The following SNTG2 variants were observed in gnomAD, a reference collection of about 807,000 sequenced individuals.
The protein encoded by SNTG2 is gamma-2-syntrophin.
Under a neutral mutation model 70.9 loss-of-function variants are expected in SNTG2, and 74 were observed. The observed-to-expected ratio is 1.04, with a 90% CI of 0.86 to 1.27. The LOEUF (loss-of-function observed/expected upper bound fraction) is 1.27, where lower values mean the gene tolerates loss of function less well. Among genes scored for constraint, SNTG2 ranks in the 50% most tolerant of loss-of-function variants. SNTG2 has a pLI of 0.00. For synonymous variants in SNTG2, 278 were observed against 273.8 expected (o/e 1.02, Z -0.15); for missense variants, 717 against 690.7 (o/e 1.04, Z -0.43).
At chr2:1,016,640 C>T (rs534102039) in intron 1 of SNTG2, among the ~76,000 whole-genome samples, 6 of 152,166 alleles carry the variant, frequency 3.9e-5, no homozygotes, top group Non-Finnish European at 8.8e-5. Flanking sequence ...AGGAGGAAGG[C>T]TGAGACAGGA....
chr2:1,045,822 T>C (rs983393163), intron 1 of SNTG2, among the ~76,000 whole-genome samples: 1 of 152,176 alleles, frequency 6.6e-6, no homozygotes, highest in Non-Finnish European at 1.5e-5. Context: ...TAGAGTGTCA[T>C]GTCCATATAA....
intron 6 of SNTG2, chr2:1,159,569 G>T (rs1199549087): frequency 6.6e-6 from 1 of 152,034 alleles, no homozygotes; most frequent in African/African-American, 2.4e-5. Flanking sequence ...AAAATTCGTC[G>T]AATACAAGTA....
At chr2:1,270,885 A>T (rs1233120085) in intron 14 of SNTG2, among the ~76,000 whole-genome samples, 1 of 152,136 alleles carries the variant, frequency 6.6e-6, no homozygotes, top group Non-Finnish European at 1.5e-5. Flanking sequence ...TTCTTTACTA[A>T]TTGTAACACT....
intron 1 of SNTG2, among the ~76,000 whole-genome samples, chr2:1,045,884 T>A (rs908774072): frequency 2.0e-5 from 3 of 152,140 alleles, no homozygotes; most frequent in Non-Finnish European, 4.4e-5. Context: ...GTCTATTAGG[T>A]CTGTTTGGTC....
At chr2:1,156,746 C>CT (rs1285004757) in intron 6 of SNTG2, among the ~76,000 whole-genome samples, 2 of 152,024 alleles carry the variant, frequency 1.3e-5, no homozygotes, top group Non-Finnish European at 2.9e-5. Flanking sequence ...TAAGGTGATG[C>CT]TCGGGCTGTC....
At chr2:1,293,637 C>T (rs1680079620) in intron 14 of SNTG2, among the ~76,000 whole-genome samples, 1 of 151,954 alleles carries the variant, frequency 6.6e-6, no homozygotes, top group South Asian at 2.1e-4. Context: ...GTTTAAGTTG[C>T]ACATATTTGC....
At chr2:1,365,090 T>G (rs996981841) in intron 16 of SNTG2, among the ~76,000 whole-genome samples, 170 of 12,654 alleles carry the variant, frequency 0.013, no homozygotes, top group Non-Finnish European at 0.022. Flanking sequence ...CTACTTGGTT[T>G]TTTTTTTTTC....
At chr2:991,372 T>TACACACACACATACACACAC (rs370317783) in intron 1 of SNTG2, among the ~76,000 whole-genome samples, 2 of 140,264 alleles carry the variant, frequency 1.4e-5, no homozygotes, top group African/African-American at 5.3e-5. Flanking sequence ...TCTGTAATAT[T>TACACACACACATACACACAC]ACACACACAC....
At chr2:1,197,592 A>G (rs575301988) in intron 8 of SNTG2, among the ~76,000 whole-genome samples, 2 of 150,964 alleles carry the variant, frequency 1.3e-5, no homozygotes, top group East Asian at 3.9e-4. Flanking sequence ...TCTGGGGTGC[A>G]GTGGCATGAT....
intron 4 of SNTG2, among the ~76,000 whole-genome samples, chr2:1,115,096 C>A (rs558209875): frequency 1.3e-5 from 2 of 151,642 alleles, no homozygotes; most frequent in South Asian, 4.2e-4. Flanking sequence ...CCTTACAGTC[C>A]TTTGAGGAGG....
intron 14 of SNTG2, among the ~76,000 whole-genome samples, chr2:1,306,916 G>A (rs1170144908): frequency 2.6e-5 from 4 of 152,126 alleles, no homozygotes; most frequent in African/African-American, 7.2e-5. Context: ...GTGTGTGTGC[G>A]TGTGTAAGCC....
chr2:1,202,169 T>C (rs1307462626), intron 8 of SNTG2, among the ~76,000 whole-genome samples: 1 of 152,076 alleles, frequency 6.6e-6, no homozygotes, highest in Non-Finnish European at 1.5e-5. Context: ...ATATAAAATA[T>C]CCAATATAAA....
At chr2:1,018,065 T>G (rs953940272) in intron 1 of SNTG2, among the ~76,000 whole-genome samples, 5 of 152,240 alleles carry the variant, frequency 3.3e-5, no homozygotes, top group African/African-American at 1.2e-4. Flanking sequence ...TGTAAAGATA[T>G]TTGTTAGTCA....
intron 1 of SNTG2, among the ~76,000 whole-genome samples, chr2:956,271 T>C (rs868580072): frequency 0.034 from 3,937 of 115,880 alleles, 281 homozygotes; most frequent in African/African-American, 0.12. Flanking sequence ...CCCCCTGCCC[T>C]GCCCCTGCAC....
At chr2:972,021 T>C (rs917394608) in intron 1 of SNTG2, among the ~76,000 whole-genome samples, 1 of 152,212 alleles carries the variant, frequency 6.6e-6, no homozygotes, top group African/African-American at 2.4e-5. Context: ...GTGGTTGATA[T>C]TCTTTTTTAA....
intron 4 of SNTG2, among the ~76,000 whole-genome samples, chr2:1,128,368 T>A (rs1294789172): frequency 2.0e-5 from 3 of 152,346 alleles, no homozygotes; most frequent in East Asian, 3.9e-4. Context: ...TACATTTTAT[T>A]ATACATATGA....
intron 1 of SNTG2, among the ~76,000 whole-genome samples, chr2:1,010,795 G>A (rs542862509): frequency 6.6e-6 from 1 of 152,342 alleles, no homozygotes; most frequent in East Asian, 1.9e-4. Flanking sequence ...GTGCTCAGTG[G>A]CTTGACCCCA....
At chr2:1,239,130 G>A (rs576971075) in intron 10 of SNTG2, among the ~76,000 whole-genome samples, 38 of 124,482 alleles carry the variant, frequency 3.1e-4, no homozygotes, top group African/African-American at 9.7e-4. Flanking sequence ...ACTTATATTT[G>A]CAGAAATGTT....
At chr2:1,206,075 A>T (rs1252634843) in intron 8 of SNTG2, among the ~76,000 whole-genome samples, 1 of 152,228 alleles carries the variant, frequency 6.6e-6, no homozygotes, top group Non-Finnish European at 1.5e-5. Context: ...GCAAGATTAC[A>T]AAAAGCTGAC....
Sources: gnomAD v4.1 joint callset for allele counts (sites outside exome capture counted in the v4.1 genomes callset) on GRCh38, gnomAD v4.1.1 for gene constraint, MANE v1.5 for transcripts, NCBI Gene and HGNC (gene_info 2026-07-23, HGNC 2026-07-21) for gene names.